TMEM131: variants seen among roughly 807,000 people sequenced by gnomAD.
TMEM131 encodes the protein 2610524E03Rik.
TMEM131 carries 66 observed loss-of-function variants against 211.6 expected under a neutral mutation model. The observed-to-expected ratio is 0.31, with a 90% CI of 0.26 to 0.38. The LOEUF (loss-of-function observed/expected upper bound fraction) is 0.38, where lower values mean the gene tolerates loss of function less well. Among genes scored for constraint, TMEM131 ranks in the 10% least tolerant of loss-of-function variants. The pLI is 1.00. For synonymous variants in TMEM131, 844 were observed against 841.3 expected, an observed-to-expected ratio of 1.00 and a Z score of -0.06; for missense variants, 2,036 against 2,299.3, an observed-to-expected ratio of 0.89 and a Z score of 2.34.
At chr2:97,933,936 A>G (rs2104464586) in intron 1 of TMEM131, among the ~76,000 whole-genome samples, 1 of 152,286 alleles carries the variant, frequency 6.6e-6, no homozygotes, top group East Asian at 1.9e-4. Context: ...CTTACCAGTA[A>G]AAGACTGAAT....
At chr2:97,802,871 G>A (rs2104928492) in intron 22 of TMEM131, 81 bp from the exon 23 acceptor site, 1 of 1,259,208 alleles carries the variant, frequency 7.9e-7, no homozygotes. Context: ...TTAGGCTTAT[G>A]TACTTGAGAA....
intron 1 of TMEM131, among the ~76,000 whole-genome samples, chr2:97,946,313 G>A (rs936356305): frequency 3.3e-5 from 5 of 151,624 alleles, no homozygotes; most frequent in African/African-American, 4.8e-5. Flanking sequence ...AAAAATCGAA[G>A]GAAACAAAAG....
intron 19 of TMEM131, among the ~76,000 whole-genome samples, chr2:97,807,375 G>A (rs547575559): frequency 6.6e-6 from 1 of 152,136 alleles, no homozygotes; most frequent in Non-Finnish European, 1.5e-5. Flanking sequence ...TTCTGACCTC[G>A]TAGTAATGAG....
chr2:97,809,724 G>A lies in TMEM131; in HGVS notation c.2019C>T (p.Cys673=). The A allele has an allele frequency of 6.2e-7, 1 of 1,610,736 alleles. No homozygotes were observed. The highest frequency in any genetic ancestry group is 8.5e-7 in the Non-Finnish European group (1 of 1,178,500). ...KAVIAVGSLT[C]FPKHVVLPPS... is the part of the protein sequence containing the mutation. ...GTGGAAGAACCACGTGCTTAGGGAA[G>A]CAGGTCAGTGAGCCTACTGCAATCA... The change falls in exon 19 of 41, where the codon TGC becomes TGT. Residue 673 remains cysteine, a synonymous_variant. Transcript: ENST00000186436.
chr2:97,973,942 G>C (rs1679413149), intron 1 of TMEM131, among the ~76,000 whole-genome samples: 1 of 152,166 alleles, frequency 6.6e-6, no homozygotes, highest in Non-Finnish European at 1.5e-5. Flanking sequence ...TACAAAAATA[G>C]CAGCACCCAA....
chr2:97,779,817 C>T (rs1046641563), intron 31 of TMEM131, among the ~76,000 whole-genome samples: 9 of 152,132 alleles, frequency 5.9e-5, no homozygotes, highest in African/African-American at 2.2e-4. Context: ...GTGTTCCAGA[C>T]CAGCCTGGGT....
At chr2:97,821,590 C>T (rs910788007) in intron 11 of TMEM131, among the ~76,000 whole-genome samples, 4 of 152,170 alleles carry the variant, frequency 2.6e-5, no homozygotes, top group East Asian at 1.9e-4. Flanking sequence ...AGCAAGACCA[C>T]GAACTCACTG....
At chr2:97,995,410 C>T (rs1443889314) in intron 1 of TMEM131, 66 bp downstream of exon 1, 10 of 1,285,682 alleles carry the variant, frequency 7.8e-6, no homozygotes, top group Non-Finnish European at 9.8e-6. Context: ...CCCGGCCCAG[C>T]CCTCCCGGCC....
intron 1 of TMEM131, among the ~76,000 whole-genome samples, chr2:97,967,647 G>C (rs573013549): frequency 1.8e-4 from 27 of 152,220 alleles, no homozygotes; most frequent in African/African-American, 6.0e-4. Flanking sequence ...GGTTGATAGT[G>C]GGGGGAGAGA....
At chr2:97,958,959 T>C (rs1249868571) in intron 1 of TMEM131, among the ~76,000 whole-genome samples, 1 of 152,120 alleles carries the variant, frequency 6.6e-6, no homozygotes, top group Non-Finnish European at 1.5e-5. Context: ...GAAGAGGGCA[T>C]GTGTCATGGA....
At chr2:97,794,306 G>T (rs13004090) in intron 29 of TMEM131, among the ~76,000 whole-genome samples, 46,878 of 151,924 alleles carry the variant, frequency 0.31, 8,559 homozygotes, top group Non-Finnish European at 0.39. Flanking sequence ...AAAGTGCTGG[G>T]AATACAGGTG....
chr2:97,810,597 C>T (rs1244956183), intron 18 of TMEM131, among the ~76,000 whole-genome samples: 1 of 152,154 alleles, frequency 6.6e-6, no homozygotes, highest in East Asian at 1.9e-4. Flanking sequence ...GGCAGAAATA[C>T]ATCCATTCAA....
intron 5 of TMEM131, among the ~76,000 whole-genome samples, chr2:97,853,070 C>T (rs1673691585): frequency 1.3e-5 from 2 of 152,234 alleles, no homozygotes; most frequent in African/African-American, 4.8e-5. Flanking sequence ...CAACTGGTCA[C>T]CCAGGAGCTC....
chr2:97,777,257 TGTACG>T (rs1679784870), intron 31 of TMEM131, among the ~76,000 whole-genome samples: 1 of 152,262 alleles, frequency 6.6e-6, no homozygotes, highest in African/African-American at 2.4e-5. Flanking sequence ...TAACCCAGTC[TGTACG>T]GGTCATAATT....
chr2:97,781,165 C>T (rs1329390919), intron 31 of TMEM131, among the ~76,000 whole-genome samples: 1 of 152,218 alleles, frequency 6.6e-6, no homozygotes, highest in Non-Finnish European at 1.5e-5. Flanking sequence ...CTCTATTCGT[C>T]ATACAGCCTA....
intron 1 of TMEM131, among the ~76,000 whole-genome samples, chr2:97,967,437 T>G (rs1679107413): frequency 1.3e-5 from 2 of 152,140 alleles, no homozygotes; most frequent in South Asian, 4.1e-4. Flanking sequence ...GTGTGTAAAT[T>G]TATTCATATG....
At position 97,792,994 on chromosome 2, in the gene TMEM131, G is replaced by A; in HGVS notation, c.3546-10C>T. ...GCTGAGTGTGTTCAAGCTGAAAAAG[G>A]GACCAACTGCAGATCAGTAAATAGC... On this transcript the variant is annotated splice_polypyrimidine_tract_variant and intron_variant, in intron 30 of 40. Coordinates refer to ENST00000186436, the MANE Select transcript of TMEM131 (RefSeq NM_015348.2). The A allele has an allele frequency of 2.0e-6, 3 of 1,515,470 alleles. No homozygotes were observed. The highest frequency in any genetic ancestry group is 2.3e-5 in the East Asian group (1 of 42,572). 93.9% of individuals were successfully genotyped at this position (1,515,470 alleles called of 1,614,324 possible).
chr2:97,906,828 C>A (rs1465258732), intron 3 of TMEM131, among the ~76,000 whole-genome samples: 2 of 152,136 alleles, frequency 1.3e-5, no homozygotes, highest in African/African-American at 4.8e-5. Context: ...CTGTCCCCTG[C>A]CTGAATTTCT....
At chr2:97,989,596 TAAGTA>T (rs1338263288) in intron 1 of TMEM131, among the ~76,000 whole-genome samples, 1 of 152,192 alleles carries the variant, frequency 6.6e-6, no homozygotes, top group East Asian at 1.9e-4. Flanking sequence ...TAAAAATGGT[TAAGTA>T]TTTTGTTATG....
Sources: allele counts gnomAD v4.1 joint callset (sites outside exome capture counted in the v4.1 genomes callset), GRCh38; gene constraint gnomAD v4.1.1; transcripts MANE v1.5; gene names NCBI Gene and HGNC (gene_info 2026-07-23, HGNC 2026-07-21).